DOK5: variants seen among roughly 807,000 people sequenced by gnomAD.
The protein encoded by DOK5 is downstream of tyrosine kinase 5.
A neutral mutation model predicts 43.3 loss-of-function variants in DOK5; 27 were observed. The ratio of observed to expected loss-of-function variants is 0.62; its 90% CI spans 0.46 to 0.86. The LOEUF (loss-of-function observed/expected upper bound fraction) is 0.86. DOK5 is among the 40% of genes least tolerant of loss of function. DOK5 has a pLI of 0.00. For missense variants in DOK5, 373 were observed against 392.9 expected (o/e 0.95, Z 0.43); for synonymous variants, 146 against 140.1 (o/e 1.04, Z -0.30).
intron 1 of DOK5, among the ~76,000 whole-genome samples, chr20:54,522,500 T>A (rs995154797): frequency 6.6e-6 from 1 of 151,694 alleles, no homozygotes; most frequent in Admixed American, 6.6e-5. Context: ...CAAAGTTGTT[T>A]TCTTTTTCTT....
At chr20:54,498,226 C>T (rs1270449548) in intron 1 of DOK5, among the ~76,000 whole-genome samples, 1 of 152,156 alleles carries the variant, frequency 6.6e-6, no homozygotes, top group Non-Finnish European at 1.5e-5. Context: ...ATTATTGTGT[C>T]ATTGTCAGAG....
intron 1 of DOK5, among the ~76,000 whole-genome samples, chr20:54,515,444 T>A (rs925010396): frequency 6.6e-6 from 1 of 152,222 alleles, no homozygotes; most frequent in Non-Finnish European, 1.5e-5. Flanking sequence ...TCAGTCCAGG[T>A]TTGTAACTAA....
chr20:54,497,903 AT>A (rs1273676100), intron 1 of DOK5, among the ~76,000 whole-genome samples: 4 of 152,216 alleles, frequency 2.6e-5, no homozygotes, highest in African/African-American at 9.6e-5. Context: ...AAACAATATT[AT>A]GACCCTAATT....
chr20:54,513,462 C>CAAAAAAAAA (rs1011871917), intron 1 of DOK5, among the ~76,000 whole-genome samples: 1 of 24,620 alleles, frequency 4.1e-5, no homozygotes, highest in Non-Finnish European at 9.9e-5. Flanking sequence ...ATACTCTGAG[C>CAAAAAAAAA]AAAAAAAAAA....
At chr20:54,524,418 T>C (rs1330786035) in intron 1 of DOK5, among the ~76,000 whole-genome samples, 1 of 152,214 alleles carries the variant, frequency 6.6e-6, no homozygotes. Flanking sequence ...GAACAGTTCC[T>C]GGAAACTCCT....
chr20:54,572,206 G>A (rs1434028702), intron 2 of DOK5, among the ~76,000 whole-genome samples: 3 of 151,628 alleles, frequency 2.0e-5, no homozygotes, highest in African/African-American at 4.9e-5. Context: ...TGTTGCCCAG[G>A]CTGGAGTGCA....
intron 2 of DOK5, among the ~76,000 whole-genome samples, chr20:54,569,321 C>T (rs529833275): frequency 6.6e-6 from 1 of 152,258 alleles, no homozygotes; most frequent in East Asian, 1.9e-4. Flanking sequence ...GCCCTAGTCC[C>T]CTTTTCCTCA....
chr20:54,646,246 C>CTTTTTT (rs1234153656), intron 7 of DOK5, among the ~76,000 whole-genome samples: 2 of 80,676 alleles, frequency 2.5e-5, no homozygotes, highest in Non-Finnish European at 4.9e-5. Context: ...ACTGGTTATA[C>CTTTTTT]TGTTTTTTTT....
intron 5 of DOK5, among the ~76,000 whole-genome samples, chr20:54,595,882 A>G (rs1986125697): frequency 6.6e-6 from 1 of 152,210 alleles, no homozygotes; most frequent in Non-Finnish European, 1.5e-5. Context: ...CTAACCTTGG[A>G]CAAAGTTCTT....
In DOK5 at chr20:54,632,404, T is replaced by C. The variant is rs190966249; in HGVS notation, c.736-11054T>C. Among the ~76,000 whole-genome samples the C allele has an allele frequency of 1.8e-4, 27 of 152,378 alleles. No individual in the cohort carries two copies. In the East Asian group the frequency reaches 2.1e-3, roughly 12 times the overall value. On this transcript the variant is annotated intron_variant, in intron 6 of 7. Transcript: ENST00000262593. ...AAAGAAAATATGAATGCTTCTATTA[T>C]GACCTTGTTCAGAAATTCTTGTTAA...
chr20:54,586,239 G>A (rs1343446191), intron 2 of DOK5, among the ~76,000 whole-genome samples: 3 of 152,196 alleles, frequency 2.0e-5, no homozygotes, highest in Admixed American at 6.5e-5. Flanking sequence ...GTCTAGCTGG[G>A]TGCTGCAGAG....
At chr20:54,577,930 G>A (rs188433739) in intron 2 of DOK5, among the ~76,000 whole-genome samples, 48 of 152,312 alleles carry the variant, frequency 3.2e-4, no homozygotes, top group African/African-American at 1.2e-3. Flanking sequence ...GGAAACAGTT[G>A]CAAGGGCTGA....
chr20:54,480,991 C>CTATCT (rs1555822341), intron 1 of DOK5, among the ~76,000 whole-genome samples: 2 of 143,162 alleles, frequency 1.4e-5, no homozygotes, highest in African/African-American at 5.7e-5. Context: ...TATCATCTAT[C>CTATCT]ATCTATCTAT....
intron 1 of DOK5, among the ~76,000 whole-genome samples, chr20:54,492,303 T>G (rs1982212232): frequency 6.6e-6 from 1 of 152,202 alleles, no homozygotes; most frequent in South Asian, 2.1e-4. Context: ...TGTATATATA[T>G]AATTTGTTTT....
chr20:54,650,677 T>C lies in DOK5; in HGVS notation c.*198T>C, dbSNP rs1410175343. 5.7e-6 allele frequency: 3 copies of C among 523,520 alleles called. No individual in the cohort carries two copies. The highest frequency in any genetic ancestry group is 6.3e-5 in the East Asian group (2 of 31,724). The allele number at this position is 523,520 out of a possible 1,614,324, so 32.4% of individuals were successfully genotyped here. On this transcript the variant is annotated 3_prime_UTR_variant, in exon 8 of 8. Transcript: ENST00000262593. ...TTTCTTTTTTAAATTCTTAGTGTAA[T>C]TGAAACGTGCTCTATAGATATTGAC... is the stretch of plus-strand genomic sequence containing the variant.
chr20:54,633,557 G>A (rs562903611), intron 6 of DOK5, among the ~76,000 whole-genome samples: 1 of 152,326 alleles, frequency 6.6e-6, no homozygotes, highest in Non-Finnish European at 1.5e-5. Flanking sequence ...AGTTTCTCAG[G>A]TTGAGAATGT....
intron 2 of DOK5, among the ~76,000 whole-genome samples, chr20:54,559,573 T>C (rs1308623659): frequency 6.6e-6 from 1 of 152,202 alleles, no homozygotes; most frequent in Non-Finnish European, 1.5e-5. Flanking sequence ...AATTGGCAAC[T>C]GCAACGTTTA....
chr20:54,501,793 G>T (rs766687442), intron 1 of DOK5, among the ~76,000 whole-genome samples: 1 of 152,170 alleles, frequency 6.6e-6, no homozygotes, highest in African/African-American at 2.4e-5. Flanking sequence ...GCTGTGCTGT[G>T]TTCAGCACAT....
At position 54,570,986 on chromosome 20, in the gene DOK5, C is replaced by T. The variant is rs187578134; in HGVS notation, c.174+15946C>T. Among the ~76,000 whole-genome samples, 484 of 152,270 alleles carry T rather than the reference C, an allele frequency of 3.2e-3. 2 individuals are homozygous for T. The highest frequency in any genetic ancestry group is 3.3e-3 in the Non-Finnish European group (224 of 68,008). On this transcript the variant is annotated intron_variant, in intron 2 of 7. Transcript: ENST00000262593. ...AAACATTTATTTCAATGAATACTAT[C>T]ATTTATGATGAATAAGACATCTGGA...
Sources: gnomAD v4.1 joint callset for allele counts (sites outside exome capture counted in the v4.1 genomes callset) on GRCh38, gnomAD v4.1.1 for gene constraint, MANE v1.5 for transcripts, NCBI Gene and HGNC (gene_info 2026-07-23, HGNC 2026-07-21) for gene names.